The following CPNE2 variants were observed in gnomAD, a reference collection of about 807,000 sequenced individuals.
CPNE2 encodes copine-2.
CPNE2 carries 42 observed loss-of-function variants against 69.7 expected under a neutral mutation model. The observed-to-expected ratio is 0.60, with a 90% CI of 0.47 to 0.78. The LOEUF (loss-of-function observed/expected upper bound fraction) is 0.78, where lower values mean the gene tolerates loss of function less well. Among genes scored for constraint, CPNE2 ranks in the 30% least tolerant of loss-of-function variants. The pLI is 0.00. For missense variants in CPNE2, 587 were observed against 732.0 expected (o/e 0.80, Z 2.29); for synonymous variants, 294 against 289.8 (o/e 1.01, Z -0.15).
intron 1 of CPNE2, among the ~76,000 whole-genome samples, chr16:57,100,550 G>A (rs1005533036): frequency 7.2e-5 from 11 of 152,250 alleles, no homozygotes; most frequent in African/African-American, 2.7e-4. Flanking sequence ...CTTGTCCAGA[G>A]TCACATTAGT....
chr16:57,098,158 A>G (rs1355986016), intron 1 of CPNE2, among the ~76,000 whole-genome samples: 1 of 152,210 alleles, frequency 6.6e-6, no homozygotes, highest in Non-Finnish European at 1.5e-5. Flanking sequence ...AGCGGGCACT[A>G]CAGAGAATGA....
rs887710960 is a variant in CPNE2, at chr16:57,125,342, C to G, written c.928-518C>G. 5 of 455,984 alleles carry G rather than the reference C, an allele frequency of 1.1e-5. No homozygotes were observed. The East Asian group carries it at 2.8e-4, about 25-fold the overall frequency. 28.2% of individuals were successfully genotyped at this position (455,984 alleles called of 1,614,324 possible). On this transcript the variant is annotated intron_variant, in intron 10 of 15. Transcript: ENST00000290776. ...TCCCAGCTGATCGGGGAGACGGGCACTGCTCTACCAGGCAACCCCAGGTCC... is the reference window on the plus strand; with the variant it reads ...TCCCAGCTGATCGGGGAGACGGGCAGTGCTCTACCAGGCAACCCCAGGTCC...
intron 3 of CPNE2, among the ~76,000 whole-genome samples, 187 bp from the exon 4 acceptor site, chr16:57,115,289 G>A (rs1236793594): frequency 6.6e-6 from 1 of 152,170 alleles, no homozygotes; most frequent in Non-Finnish European, 1.5e-5. Context: ...CTGGGCCTCA[G>A]GCTCCTCACT....
chr16:57,118,707 T>G (rs930441560), intron 5 of CPNE2, among the ~76,000 whole-genome samples: 12 of 151,898 alleles, frequency 7.9e-5, no homozygotes, highest in African/African-American at 2.2e-4. Context: ...GATAGATAGA[T>G]AGAGTGAGTC....
At chr16:57,117,716 T>G (rs1322458255) in intron 5 of CPNE2, 149 bp downstream of exon 5, 1 of 806,568 alleles carries the variant, frequency 1.2e-6, no homozygotes, top group African/African-American at 1.7e-5. Context: ...CACTCCAGAT[T>G]AGGACTCCTT....
At chr16:57,125,771 T>A (rs1597500057) in intron 10 of CPNE2, 89 bp from the exon 11 acceptor site, 5 of 1,521,520 alleles carry the variant, frequency 3.3e-6, no homozygotes, top group African/African-American at 1.4e-5. Flanking sequence ...GGGCTTCCCA[T>A]GTCCCATCTA....
Position 57,125,274 on chromosome 16 carries a change from C to T in CPNE2, c.928-586C>T, listed in dbSNP as rs1386917291. On this transcript the variant is annotated intron_variant, in intron 10 of 15. Coordinates refer to ENST00000290776, the MANE Select transcript of CPNE2 (RefSeq NM_152727.6). ...AAGCACCTGCCTTGTCTGCTGTTCCCAGCCCTGGGCCAGGCTTCTCCAGAG... is the reference window on the plus strand; with the variant it reads ...AAGCACCTGCCTTGTCTGCTGTTCCTAGCCCTGGGCCAGGCTTCTCCAGAG... 3 of 456,102 alleles carry T rather than the reference C, an allele frequency of 6.6e-6. No homozygotes were observed. The Admixed American group carries it at 7.0e-5, about 11-fold the overall frequency. The allele number at this position is 456,102 out of a possible 1,614,324, so 28.3% of individuals were successfully genotyped here.
At chr16:57,127,589 C>T (rs1366971560) in intron 11 of CPNE2, among the ~76,000 whole-genome samples, 2 of 152,174 alleles carry the variant, frequency 1.3e-5, no homozygotes, top group African/African-American at 2.4e-5. Context: ...GATCTAGAAG[C>T]TGTGCCCAGG....
chr16:57,117,645 G>A lies in CPNE2; in HGVS notation c.507+78G>A, dbSNP rs2069729635. 3.3e-6 allele frequency: 5 copies of A among 1,509,686 alleles called. No individual in the cohort carries two copies. In the East Asian group the frequency reaches 7.1e-5, roughly 21 times the overall value. 93.5% of individuals were successfully genotyped at this position (1,509,686 alleles called of 1,614,324 possible). ...CCAGGGCTGTGTGGCCTCATTCCGG[G>A]ACCTCGGGCCACCACCTCCATCACA... On this transcript the variant is annotated intron_variant, in intron 5 of 15. Coordinates refer to ENST00000290776, the MANE Select transcript of CPNE2 (RefSeq NM_152727.6).
chr16:57,095,413 G>A (rs1157960946), intron 1 of CPNE2, among the ~76,000 whole-genome samples: 1 of 152,222 alleles, frequency 6.6e-6, no homozygotes, highest in Non-Finnish European at 1.5e-5. Flanking sequence ...CCATGGCAGA[G>A]TCAAGAAGAC....
chr16:57,104,615 T>C (rs1463362636), intron 1 of CPNE2, among the ~76,000 whole-genome samples: 2 of 152,086 alleles, frequency 1.3e-5, no homozygotes, highest in Non-Finnish European at 2.9e-5. Context: ...GATACGGCCA[T>C]AGGTGCTGGG....
rs571270880 is a variant in CPNE2 at position 57,147,697 on chromosome 16, T to A, written c.*39T>A. On this transcript the variant is annotated 3_prime_UTR_variant, in exon 16 of 16. Transcript: ENST00000290776. ...GCAGCAGCATGTCAGCTGAGCCTCC[T>A]GCCCTCCCCCAGGAACATGCACGCT... The A allele has an allele frequency of 1.4e-6, 2 of 1,393,922 alleles. No homozygotes were observed. Among genetic ancestry groups the A allele is most frequent in the Non-Finnish European group, 2.0e-6 (2 of 1,007,590 alleles). The allele number at this position is 1,393,922 out of a possible 1,614,324, so 86.3% of individuals were successfully genotyped here. A position where few individuals can be genotyped will look rare whatever the true frequency, so the allele number is the denominator to read the frequency against.
chr16:57,142,521 C>G (rs1440348849), intron 14 of CPNE2: 1 of 152,346 alleles, frequency 6.6e-6, no homozygotes, highest in Non-Finnish European at 1.5e-5. Context: ...ATTGAGGAAC[C>G]TGGGTTTTCT....
Position 57,105,513 on chromosome 16 carries a change from G to A in CPNE2, c.-35-5195G>A, listed in dbSNP as rs374492011. Among the ~76,000 whole-genome samples, 145 of 151,062 alleles carry A rather than the reference G, an allele frequency of 9.6e-4. 2 individuals are homozygous for A. The East Asian group carries it at 0.013, about 13-fold the overall frequency. On this transcript the variant is annotated intron_variant, in intron 1 of 15. Coordinates refer to ENST00000290776, the MANE Select transcript of CPNE2 (RefSeq NM_152727.6). ...TGCAGTGGCACAATCACAGCTCACC[G>A]CAGCCCCAAACTCCTGGGCCCAAGC...
At chr16:57,098,475 G>A (rs1258265569) in intron 1 of CPNE2, among the ~76,000 whole-genome samples, 2 of 152,228 alleles carry the variant, frequency 1.3e-5, no homozygotes, top group Non-Finnish European at 2.9e-5. Context: ...AGAGAATAAG[G>A]CTTGTGGCTG....
chr16:57,127,820 C>T (rs1247885374), intron 11 of CPNE2, 29 bp from the exon 12 acceptor site: 1 of 1,611,144 alleles, frequency 6.2e-7, no homozygotes, highest in South Asian at 1.1e-5. Context: ...AGGTGTCTTA[C>T]AGTGTGTTTC....
Position 57,125,678 on chromosome 16 carries a change from T to C in CPNE2, c.928-182T>C, listed in dbSNP as rs1232058245. 14 of 696,104 alleles carry C rather than the reference T, an allele frequency of 2.0e-5. No individual in the cohort carries two copies. In the East Asian group the frequency reaches 3.6e-4, roughly 18 times the overall value. 43.1% of individuals were successfully genotyped at this position (696,104 alleles called of 1,614,324 possible). On this transcript the variant is annotated intron_variant, in intron 10 of 15. Coordinates refer to ENST00000290776, the MANE Select transcript of CPNE2 (RefSeq NM_152727.6). The stretch of plus-strand genomic sequence containing the variant: ...TGCTTGGGCAATAGAGAGCCACAGA[T>C]GGCATTAGAGCAGAGGAGTGATACA...
In CPNE2 at chr16:57,148,309, C is replaced by T. The variant is rs1271531189; in HGVS notation, c.*651C>T. 1 of 152,252 alleles carries T rather than the reference C, an allele frequency of 6.6e-6. No individual in the cohort carries two copies. The highest frequency in any genetic ancestry group is 1.5e-5 in the Non-Finnish European group (1 of 68,050). The allele number at this position is 152,252 out of a possible 1,614,324, so 9.4% of individuals were successfully genotyped here. On this transcript the variant is annotated 3_prime_UTR_variant, in exon 16 of 16. Transcript: ENST00000290776. ...CAGTTAACAGTGATAACCTGTTAAA[C>T]TGGCACAGAACCTGGCACATTGTAC...
At chr16:57,127,321 A>G (rs1007810163) in intron 11 of CPNE2, among the ~76,000 whole-genome samples, 1 of 152,158 alleles carries the variant, frequency 6.6e-6, no homozygotes, top group African/African-American at 2.4e-5. Flanking sequence ...AAGGTACCCT[A>G]TGTGTTTGGG....
Sources: gnomAD v4.1 joint callset for allele counts (sites outside exome capture counted in the v4.1 genomes callset) on GRCh38, gnomAD v4.1.1 for gene constraint, MANE v1.5 for transcripts, NCBI Gene and HGNC (gene_info 2026-07-23, HGNC 2026-07-21) for gene names.